The following EPHA3 variants were observed in gnomAD, a reference collection of about 807,000 sequenced individuals.
The protein encoded by EPHA3 is ephrin type-A receptor 3.
A neutral mutation model predicts 107.1 loss-of-function variants in EPHA3; 42 were observed. The ratio of observed to expected loss-of-function variants is 0.39; its 90% CI spans 0.31 to 0.51. The LOEUF (loss-of-function observed/expected upper bound fraction) is 0.51, where lower values mean the gene tolerates loss of function less well. Among genes scored for constraint, EPHA3 ranks in the 20% least tolerant of loss-of-function variants. The probability of loss-of-function intolerance (pLI) is 0.78; values close to 1 mark genes in which losing one functional copy is unlikely to be tolerated. For synonymous variants in EPHA3, 461 were observed against 424.8 expected (o/e 1.09, Z -1.05); for missense variants, 1,183 against 1,211.2 (o/e 0.98, Z 0.35).
At chr3:89,177,086 G>T (rs961754518) in intron 2 of EPHA3, among the ~76,000 whole-genome samples, 1 of 152,072 alleles carries the variant, frequency 6.6e-6, no homozygotes, top group Non-Finnish European at 1.5e-5. Context: ...GTGTGTGTGT[G>T]TGTGTGCACG....
intron 3 of EPHA3, among the ~76,000 whole-genome samples, chr3:89,253,538 C>A (rs1484492010): frequency 1.3e-5 from 2 of 152,094 alleles, no homozygotes; most frequent in Non-Finnish European, 2.9e-5. Context: ...AAAGTATATG[C>A]ATATATTTAT....
Position 89,395,759 on chromosome 3 carries a change from C to T in EPHA3, c.1307-78C>T, listed in dbSNP as rs113654512. ...GACTCCATTTGCATGTTCCCTTCTCCCTCTGTTCTTATTCGCCACCCTTTC... is the reference window on the plus strand; with the variant it reads ...GACTCCATTTGCATGTTCCCTTCTCTCTCTGTTCTTATTCGCCACCCTTTC... On this transcript the variant is annotated intron_variant, in intron 5 of 16. Transcript: ENST00000336596. 2.1e-3 allele frequency: 3,189 copies of T among 1,537,630 alleles called. 61 individuals carry two copies. The African/African-American group carries it at 0.039, about 19-fold the overall frequency.
intron 3 of EPHA3, among the ~76,000 whole-genome samples, chr3:89,211,719 CTT>C (rs1704090679): frequency 2.1e-5 from 3 of 143,722 alleles, no homozygotes; most frequent in Non-Finnish European, 4.6e-5. Context: ...TCTTCCTCTT[CTT>C]CTTTTTCTTC....
At chr3:89,139,733 A>G (rs879859660) in intron 2 of EPHA3, among the ~76,000 whole-genome samples, 8 of 151,808 alleles carry the variant, frequency 5.3e-5, no homozygotes, top group South Asian at 4.1e-4. Flanking sequence ...AAGTAGGCTT[A>G]GTGACTTGAT....
chr3:89,471,861 G>T (rs1710410209), intron 15 of EPHA3, among the ~76,000 whole-genome samples: 1 of 151,746 alleles, frequency 6.6e-6, no homozygotes, highest in African/African-American at 2.4e-5. Flanking sequence ...AACTTCATTT[G>T]GTGTCAAGTA....
In EPHA3 at chr3:89,413,193, T is replaced by C. The variant is rs757504386; in HGVS notation, c.1815T>C (p.Pro605=). The C allele has an allele frequency of 6.2e-7, 1 of 1,611,904 alleles. No individual in the cohort carries two copies. The highest frequency in any genetic ancestry group is 1.3e-5 in the African/African-American group (1 of 74,838). The part of the protein sequence containing the change: ...TYVDPHTYED[P]TQAVHEFAKE... ...TTGACCCACATACATATGAAGACCC[T>C]ACCCAAGCTGTTCATGAGTTTGCCA... is the stretch of plus-strand genomic sequence containing the variant. Residue 605 remains proline (P), a synonymous_variant, in exon 10 of 17, where the codon CCT becomes CCC. Coordinates refer to ENST00000336596, the MANE Select transcript of EPHA3 (RefSeq NM_005233.6).
intron 3 of EPHA3, among the ~76,000 whole-genome samples, chr3:89,257,805 G>A (rs997439134): frequency 6.6e-6 from 1 of 151,662 alleles, no homozygotes; most frequent in African/African-American, 2.4e-5. Flanking sequence ...GAGTGTTAGT[G>A]GACAAATGCA....
chr3:89,265,992 C>T (rs955025898), intron 3 of EPHA3, among the ~76,000 whole-genome samples: 9 of 152,030 alleles, frequency 5.9e-5, no homozygotes, highest in African/African-American at 2.2e-4. Flanking sequence ...TGTTGTTACT[C>T]AGGATTTTCC....
rs183297030 is a variant in EPHA3, at chr3:89,366,070, G to A, written c.1306+23980G>A. Among the ~76,000 whole-genome samples the A allele has an allele frequency of 3.3e-5, 5 of 150,740 alleles. No individual in the cohort carries two copies. The East Asian group carries it at 9.8e-4, about 29-fold the overall frequency. ...ATAGCCCAAATGAGAGATTATAAAG[G>A]TCTGAAATAAACCTGGGGAAATGAG... On this transcript the variant is annotated intron_variant, in intron 5 of 16. Coordinates refer to ENST00000336596, the MANE Select transcript of EPHA3 (RefSeq NM_005233.6).
chr3:89,419,575 A>T (rs1009280944), intron 11 of EPHA3, among the ~76,000 whole-genome samples, 185 bp downstream of exon 11: 1 of 151,344 alleles, frequency 6.6e-6, no homozygotes, highest in Non-Finnish European at 1.5e-5. Flanking sequence ...TATTCTATTG[A>T]CAGTACTGTT....
chr3:89,392,526 A>G (rs1708766047), intron 5 of EPHA3, among the ~76,000 whole-genome samples: 1 of 151,492 alleles, frequency 6.6e-6, no homozygotes, highest in Non-Finnish European at 1.5e-5. Context: ...AATCCCTGAG[A>G]TTTCTCTTCC....
At chr3:89,436,121 A>C (rs188161789) in intron 13 of EPHA3, among the ~76,000 whole-genome samples, 116 of 151,888 alleles carry the variant, frequency 7.6e-4, no homozygotes, top group African/African-American at 2.6e-3. Flanking sequence ...ACCCTTTTTC[A>C]AAAAATAAAT....
intron 1 of EPHA3, among the ~76,000 whole-genome samples, chr3:89,122,363 T>C (rs1186791404): frequency 6.6e-6 from 1 of 152,196 alleles, no homozygotes; most frequent in Non-Finnish European, 1.5e-5. Flanking sequence ...ACTGAAGGTT[T>C]TACTAGAGAA....
At chr3:89,260,640 C>A (rs1335612498) in intron 3 of EPHA3, among the ~76,000 whole-genome samples, 1 of 152,118 alleles carries the variant, frequency 6.6e-6, no homozygotes, top group Non-Finnish European at 1.5e-5. Context: ...CCTTTGTTTG[C>A]ATTTGGTTGC....
chr3:89,479,601 T>G lies in EPHA3; in HGVS notation c.*99T>G. The G allele has an allele frequency of 1.1e-6, 1 of 894,044 alleles. No homozygotes were observed. Among genetic ancestry groups the G allele is most frequent in the Non-Finnish European group, 1.8e-6 (1 of 557,872 alleles). 55.4% of individuals were successfully genotyped at this position (894,044 alleles called of 1,614,324 possible). On this transcript the variant is annotated 3_prime_UTR_variant, in exon 17 of 17. Transcript: ENST00000336596. Reference sequence around the variant, plus strand: ...TAATTCTGGAGATACTGGTGGAAGTTCCAAGTCCAATAAGACACTCAAATA... The same window carrying G: ...TAATTCTGGAGATACTGGTGGAAGTGCCAAGTCCAATAAGACACTCAAATA...
At chr3:89,443,940 A>G (rs546989213) in intron 13 of EPHA3, among the ~76,000 whole-genome samples, 2 of 152,300 alleles carry the variant, frequency 1.3e-5, no homozygotes, top group Non-Finnish European at 2.9e-5. Flanking sequence ...TCCCAAAAAG[A>G]AAGACCATGT....
intron 1 of EPHA3, among the ~76,000 whole-genome samples, chr3:89,113,485 C>A (rs1476517965): frequency 0.011 from 328 of 31,106 alleles, no homozygotes; most frequent in South Asian, 0.042. Context: ...TTCCTTTGTA[C>A]AAAAAAAAAA....
chr3:89,306,366 G>A (rs974946422), intron 3 of EPHA3, among the ~76,000 whole-genome samples: 1 of 152,070 alleles, frequency 6.6e-6, no homozygotes, highest in African/African-American at 2.4e-5. Flanking sequence ...CTCAAGACAA[G>A]ATAATTAACT....
chr3:89,159,960 C>T (rs1704893935), intron 2 of EPHA3, among the ~76,000 whole-genome samples: 1 of 151,828 alleles, frequency 6.6e-6, no homozygotes. Flanking sequence ...TTTCCTTCTT[C>T]CTATTTTTGT....
Sources: gnomAD v4.1 joint callset for allele counts (sites outside exome capture counted in the v4.1 genomes callset) on GRCh38, gnomAD v4.1.1 for gene constraint, MANE v1.5 for transcripts, NCBI Gene and HGNC (gene_info 2026-07-23, HGNC 2026-07-21) for gene names.